Variants in PIP5K1A observed in about 807,000 individuals in gnomAD.
PIP5K1A encodes phosphatidylinositol 4-phosphate 5-kinase type-1 alpha.
Under a neutral mutation model 72.9 loss-of-function variants are expected in PIP5K1A, and 46 were observed. That is an observed-to-expected ratio of 0.63 (90% CI 0.50 to 0.81). The LOEUF is 0.81. PIP5K1A is among the 30% of genes least tolerant of loss of function. The probability of loss-of-function intolerance (pLI) is 0.00; values close to 1 mark genes in which losing one functional copy is unlikely to be tolerated. For synonymous variants in PIP5K1A, 228 were observed against 255.1 expected, an observed-to-expected ratio of 0.89 and a Z score of 1.01; for missense variants, 458 against 706.1, an observed-to-expected ratio of 0.65 and a Z score of 3.98.
intron 1 of PIP5K1A, among the ~76,000 whole-genome samples, chr1:151,212,404 A>G (rs992133965): frequency 1.3e-5 from 2 of 152,216 alleles, no homozygotes; most frequent in Admixed American, 6.6e-5. Flanking sequence ...TAGCAAGTAA[A>G]TTTATGAAGA....
intron 1 of PIP5K1A, among the ~76,000 whole-genome samples, chr1:151,202,616 CCTGCCACCACAT>C (rs1685361105): frequency 6.6e-6 from 1 of 151,368 alleles, no homozygotes; most frequent in East Asian, 1.9e-4. Flanking sequence ...ATTACAGGCA[CCTGCCACCACAT>C]CTGACTAATT....
intron 12 of PIP5K1A, 124 bp downstream of exon 12, chr1:151,240,163 A>G (rs1691485736): frequency 1.4e-6 from 1 of 709,840 alleles, no homozygotes; most frequent in Non-Finnish European, 2.5e-6. Flanking sequence ...TTCCACCTAC[A>G]TCCCATGAGA....
At chr1:151,235,293 C>A (rs12133668) in intron 8 of PIP5K1A, among the ~76,000 whole-genome samples, 30 of 152,092 alleles carry the variant, frequency 2.0e-4, no homozygotes, top group African/African-American at 7.0e-4. Flanking sequence ...ACGTTGGTCC[C>A]GCTGGTTTCA....
At chr1:151,241,148 A>G (rs1691626681) in intron 12 of PIP5K1A, among the ~76,000 whole-genome samples, 1 of 149,672 alleles carries the variant, frequency 6.7e-6, no homozygotes, top group Non-Finnish European at 1.5e-5. Context: ...GGGTGACAAG[A>G]GAGGAAACTT....
intron 1 of PIP5K1A, among the ~76,000 whole-genome samples, chr1:151,221,282 G>T (rs1688361933): frequency 6.6e-6 from 1 of 152,152 alleles, no homozygotes; most frequent in South Asian, 2.1e-4. Flanking sequence ...AAAGAGAAAT[G>T]AGAGAATGTA....
At chr1:151,200,254 T>G (rs1685032223) in intron 1 of PIP5K1A, among the ~76,000 whole-genome samples, 1 of 151,854 alleles carries the variant, frequency 6.6e-6, no homozygotes, top group African/African-American at 2.4e-5. Flanking sequence ...GGAAGAATGC[T>G]TACGCTGTAT....
At chr1:151,228,618 A>G (rs1241874882) in intron 4 of PIP5K1A, among the ~76,000 whole-genome samples, 2 of 152,278 alleles carry the variant, frequency 1.3e-5, no homozygotes, top group East Asian at 1.9e-4. Context: ...GAGGGATCCA[A>G]ATTCTTGAGT....
rs767670396 is a variant in PIP5K1A at position 151,224,283 on chromosome 1, A to G, written c.120+4A>G. 6.2e-7 allele frequency: 1 copy of G among 1,612,684 alleles called. No homozygotes were observed. The highest frequency in any genetic ancestry group is 1.1e-5 in the South Asian group (1 of 91,046). ...CAAGAGACCCATGGCATCTGAGGTG[A>G]GTTTCATACTGATACAATGGTTACT... On this transcript the variant is annotated splice_donor_region_variant and intron_variant, in intron 2 of 15. Coordinates refer to ENST00000368888, the MANE Select transcript of PIP5K1A (RefSeq NM_001135638.2).
At chr1:151,225,475 C>CTT (rs34557865) in intron 3 of PIP5K1A, among the ~76,000 whole-genome samples, 19,678 of 145,794 alleles carry the variant, frequency 0.13, 1,567 homozygotes, top group Middle Eastern at 0.18. Flanking sequence ...CCCTTCTTGC[C>CTT]TTTTTTTTTT....
chr1:151,227,290 ATTGT>A (rs1390656463), intron 3 of PIP5K1A, 26 bp from the exon 4 acceptor site: 1 of 1,393,936 alleles, frequency 7.2e-7, no homozygotes, highest in South Asian at 1.2e-5. Flanking sequence ...TTACATGGGA[ATTGT>A]ATTATAATCT....
intron 8 of PIP5K1A, among the ~76,000 whole-genome samples, chr1:151,234,920 G>T (rs1193747980): frequency 6.6e-6 from 1 of 152,118 alleles, no homozygotes; most frequent in Non-Finnish European, 1.5e-5. Context: ...TCCATTTGCT[G>T]TTGCTCTCAA....
rs587675151 is a variant in PIP5K1A at position 151,210,644 on chromosome 1, G to A, written c.85+11563G>A. 4.6e-5 allele frequency among the ~76,000 whole-genome samples: 7 copies of A among 152,238 alleles called. No homozygotes were observed. In the East Asian group the frequency reaches 1.4e-3, roughly 29 times the overall value. On this transcript the variant is annotated intron_variant, in intron 1 of 15. Coordinates refer to ENST00000368888, the MANE Select transcript of PIP5K1A (RefSeq NM_001135638.2). Reference sequence around the variant, plus strand: ...CTGTTGCCCAGGCTGGAGTGTAGTGGCATGATCTGGGCTCACTGCAGCCTC... The same window carrying A: ...CTGTTGCCCAGGCTGGAGTGTAGTGACATGATCTGGGCTCACTGCAGCCTC...
chr1:151,217,855 C>G (rs1481366614), intron 1 of PIP5K1A, among the ~76,000 whole-genome samples: 1 of 152,122 alleles, frequency 6.6e-6, no homozygotes, highest in Non-Finnish European at 1.5e-5. Context: ...TCTTAGCTCA[C>G]TGCAACCTCC....
upstream of PIP5K1A, among the ~76,000 whole-genome samples, chr1:151,195,806 A>G (rs375256792): frequency 4.7e-5 from 7 of 147,874 alleles, no homozygotes; most frequent in East Asian, 6.0e-4. Context: ...CCTCTGTTTG[A>G]CTGCGTTGGT....
At chr1:151,231,947 A>G (rs1690139662) in intron 5 of PIP5K1A, 146 bp downstream of exon 5, 1 of 769,240 alleles carries the variant, frequency 1.3e-6, no homozygotes, top group Non-Finnish European at 2.2e-6. Context: ...GGGACTAGAG[A>G]GTTCGGAGAG....
In PIP5K1A at chr1:151,248,047, C is replaced by A; in HGVS notation, c.*182C>A. The A allele has an allele frequency of 1.6e-6, 1 of 638,472 alleles. No homozygotes were observed. The allele number at this position is 638,472 out of a possible 1,614,324, so 39.6% of individuals were successfully genotyped here. ...AGAAGAACCTTCTCTCCTTCCTCTT[C>A]CTCATGAATGGGCCTTAGTGCCTCA... On this transcript the variant is annotated 3_prime_UTR_variant, in exon 16 of 16. Coordinates refer to ENST00000368888, the MANE Select transcript of PIP5K1A (RefSeq NM_001135638.2).
intron 14 of PIP5K1A, among the ~76,000 whole-genome samples, chr1:151,245,622 G>A (rs587593696): frequency 2.0e-5 from 3 of 152,202 alleles, no homozygotes; most frequent in Admixed American, 1.3e-4. Context: ...TGCAACTTCC[G>A]CCTCCCAGGT....
chr1:151,244,867 A>T (rs587687310), intron 14 of PIP5K1A, among the ~76,000 whole-genome samples: 1 of 151,278 alleles, frequency 6.6e-6, no homozygotes, highest in Non-Finnish European at 1.5e-5. Flanking sequence ...TTTCACAGTC[A>T]TATGTTTGCC....
intron 1 of PIP5K1A, among the ~76,000 whole-genome samples, chr1:151,209,522 C>G (rs587666758): frequency 9.2e-4 from 139 of 151,826 alleles, no homozygotes; most frequent in African/African-American, 3.2e-3. Flanking sequence ...TCACCGCAAC[C>G]TCTGCCTCCC....
Sources: allele counts gnomAD v4.1 joint callset (sites outside exome capture counted in the v4.1 genomes callset), GRCh38; gene constraint gnomAD v4.1.1; transcripts MANE v1.5; gene names NCBI Gene and HGNC (gene_info 2026-07-23, HGNC 2026-07-21).